Variants in ISL2 observed in about 807,000 individuals in gnomAD.
ISL2 encodes ISL LIM homeobox 2.
ISL2 carries 17 observed loss-of-function variants against 34.6 expected under a neutral mutation model. The observed-to-expected ratio is 0.49, with a 90% CI of 0.34 to 0.74. The LOEUF is 0.74. Among genes scored for constraint, ISL2 ranks in the 30% least tolerant of loss-of-function variants. ISL2 has a pLI of 0.01. For synonymous variants in ISL2, 232 were observed against 225.5 expected (o/e 1.03, Z -0.26); for missense variants, 469 against 515.2 (o/e 0.91, Z 0.87).
At position 76,336,953 on chromosome 15, in the gene ISL2, T is replaced by C. The variant is rs1456871210; in HGVS notation, c.58+12T>C. The stretch of plus-strand genomic sequence containing the variant: ...TGATCATTCCAAGAGTAAGTATTTC[T>C]GTGTGTGTGTGGGGTGGGGTGTGTG... On this transcript the variant is annotated intron_variant, in intron 1 of 5. Coordinates refer to ENST00000290759, the MANE Select transcript of ISL2 (RefSeq NM_145805.3). 1 of 1,591,968 alleles carries C rather than the reference T, an allele frequency of 6.3e-7. No homozygotes were observed. Among genetic ancestry groups the C allele is most frequent in the South Asian group, 1.1e-5 (1 of 90,462 alleles).
Position 76,338,387 on chromosome 15 carries a change from C to A in ISL2, c.384C>A (p.Asp128Glu). ...GCAGCCGCCAGCTGCTGCCTGGGGA[C>A]GAGTTCTCGCTGCGGGAGCACGAGC... is the stretch of plus-strand genomic sequence containing the variant. ...SVCSRQLLPG[D>E]EFSLREHELL... is the part of the protein sequence containing the mutation. Residue 128 changes from aspartate (D) to glutamate (E), a missense_variant, in exon 3 of 6, where the codon GAC becomes GAA. Asp to Glu is a conservative substitution (Grantham distance 45). Transcript: ENST00000290759. 1 of 1,542,324 alleles carries A rather than the reference C, an allele frequency of 6.5e-7. No homozygotes were observed. Among genetic ancestry groups the A allele is most frequent in the Admixed American group, 1.9e-5 (1 of 53,250 alleles).
Position 76,338,367 on chromosome 15 carries a change from C to A in ISL2, c.364C>A (p.Arg122Ser). Residue 122 changes from arginine to serine, a missense_variant, in exon 3 of 6, where the codon CGC (arginine) becomes AGC (serine). By Grantham distance (110) the Arg-to-Ser change is moderately radical. Transcript: ENST00000290759. ...IECFRCSVCS[R>S]QLLPGDEFSL... Reference sequence around the variant, plus strand: ...GTGCTTCCGCTGCTCCGTGTGCAGCCGCCAGCTGCTGCCTGGGGACGAGTT... The same window carrying A: ...GTGCTTCCGCTGCTCCGTGTGCAGCAGCCAGCTGCTGCCTGGGGACGAGTT... The A allele has an allele frequency of 6.4e-7, 1 of 1,554,518 alleles. No homozygotes were observed. Among genetic ancestry groups the A allele is most frequent in the Non-Finnish European group, 8.6e-7 (1 of 1,158,540 alleles).
intron 2 of ISL2, 129 bp from the exon 3 acceptor site, chr15:76,338,121 GCC>G: frequency 1.5e-6 from 2 of 1,363,312 alleles, no homozygotes; most frequent in Non-Finnish European, 1.9e-6. Context: ...GCCCGGGAAT[GCC>G]CGCAGGCGGG....
At chr15:76,338,228 C>A in intron 2 of ISL2, 24 bp from the exon 3 acceptor site, 1 of 1,530,522 alleles carries the variant, frequency 6.5e-7, no homozygotes. Flanking sequence ...CCAGCGCTGA[C>A]ACCGCCGCAC....
At position 76,341,767 on chromosome 15, in the gene ISL2, G is replaced by C; in HGVS notation, c.1012G>C (p.Val338Leu). 6.2e-7 allele frequency: 1 copy of C among 1,613,996 alleles called. No individual in the cohort carries two copies. The highest frequency in any genetic ancestry group is 1.1e-5 in the South Asian group (1 of 91,080). The change falls in exon 6 of 6, where the codon GTG (valine) becomes CTG (leucine). Residue 338 changes from valine to leucine, a missense_variant. By Grantham distance (32) the Val-to-Leu change is conservative (BLOSUM62 1). Around this residue, in one of 3 missense-constraint regions of ISL2, gnomAD observed 169 missense variants for 154.2 expected, o/e 1.10. Transcript: ENST00000290759. ...GSLGNSSGSD[V>L]TSLSSQLPDT... The stretch of plus-strand genomic sequence containing the variant: ...CCTAGGCAACTCCTCCGGCAGCGAC[G>C]TGACCTCCCTGTCCTCGCAGCTCCC...
intron 1 of ISL2, 26 bp from the exon 2 acceptor site, chr15:76,337,752 C>G (rs748590835): frequency 1.9e-6 from 3 of 1,538,934 alleles, no homozygotes; most frequent in Non-Finnish European, 2.6e-6. Context: ...TCAGGCCTGA[C>G]GCGGCCCCGC....
At chr15:76,337,012 A>G in intron 1 of ISL2, 71 bp downstream of exon 1, 1 of 1,387,296 alleles carries the variant, frequency 7.2e-7, no homozygotes, top group Non-Finnish European at 1.0e-6. Flanking sequence ...CTAATGCAGA[A>G]AAATGTTTAG....
chr15:76,338,165 C>G, intron 2 of ISL2, 87 bp from the exon 3 acceptor site: 1 of 1,467,890 alleles, frequency 6.8e-7, no homozygotes, highest in South Asian at 1.3e-5. Context: ...CACAAAGTGT[C>G]CTGGGCGCGC....
rs112089817 is a variant in ISL2 at position 76,341,412 on chromosome 15, A to G, written c.963+111A>G. On this transcript the variant is annotated intron_variant, in intron 5 of 5. Coordinates refer to ENST00000290759, the MANE Select transcript of ISL2 (RefSeq NM_145805.3). Reference sequence around the variant, plus strand: ...GGCCTTGGGCTGAGGGGCTGGGTACAGCCCTAGGCGGTGGGGGAGGGGGAA... The same window carrying G: ...GGCCTTGGGCTGAGGGGCTGGGTACGGCCCTAGGCGGTGGGGGAGGGGGAA... The G allele has an allele frequency of 1.6e-4, 115 of 713,888 alleles. 1 individual carries two copies. In the African/African-American group the frequency reaches 1.7e-3, roughly 11 times the overall value. The allele number at this position is 713,888 out of a possible 1,614,324, so 44.2% of individuals were successfully genotyped here.
At chr15:76,340,196 G>A in intron 3 of ISL2, 80 bp from the exon 4 acceptor site, 1 of 1,455,002 alleles carries the variant, frequency 6.9e-7, no homozygotes, top group Non-Finnish European at 9.0e-7. Context: ...GCCCCGGGGG[G>A]CTGGGCCACC....
In ISL2 at chr15:76,341,221, C is replaced by G. The variant is rs1282044146; in HGVS notation, c.883C>G (p.Gln295Glu). 6.2e-7 allele frequency: 1 copy of G among 1,611,854 alleles called. No individual in the cohort carries two copies. Among genetic ancestry groups the G allele is most frequent in the Admixed American group, 1.7e-5 (1 of 59,892 alleles). Residue 295 changes from glutamine to glutamate, a missense_variant, in exon 5 of 6, where the codon CAG becomes GAG. By Grantham distance (29) the Gln-to-Glu change is conservative (BLOSUM62 2). Transcript: ENST00000290759. ...CGTGCAGGGCAGCGCAGTGGAGGTG[C>G]AGACGTACCAGCCGCCGTGGAAGGC... ...NAVQGSAVEV[Q>E]TYQPPWKALS...
Position 76,338,247 on chromosome 15 carries a change from C to T in ISL2, c.249-5C>T. The T allele has an allele frequency of 6.4e-7, 1 of 1,553,584 alleles. No homozygotes were observed. The highest frequency in any genetic ancestry group is 1.2e-5 in the South Asian group (1 of 85,426). On this transcript the variant is annotated splice_polypyrimidine_tract_variant and splice_region_variant and intron_variant, in intron 2 of 5. Transcript: ENST00000290759. ...CGCTGACACCGCCGCACCTTGGGCC[C>T]GCAGGCTGTTCGGCATCAAGTGCGC...
At chr15:76,339,999 C>T (rs942614405) in intron 3 of ISL2, 1 of 1,285,356 alleles carries the variant, frequency 7.8e-7, no homozygotes, top group South Asian at 2.2e-5. Flanking sequence ...GCCACTCCCT[C>T]CCCGCAGCGG....
chr15:76,340,789 C>T (rs1033844418), intron 4 of ISL2, among the ~76,000 whole-genome samples: 1 of 152,252 alleles, frequency 6.6e-6, no homozygotes, highest in Admixed American at 6.5e-5. Context: ...TTGCGGGTTC[C>T]GGGCGCTGCG....
chr15:76,340,701 G>A (rs1252106266), intron 4 of ISL2, 142 bp downstream of exon 4: 3 of 733,508 alleles, frequency 4.1e-6, no homozygotes, highest in Admixed American at 2.9e-5. Context: ...TACCTTCACA[G>A]CAAGGCTTCC....
At chr15:76,341,450 C>G (rs920623579) in intron 5 of ISL2, 149 bp downstream of exon 5, 1 of 807,826 alleles carries the variant, frequency 1.2e-6, no homozygotes, top group Non-Finnish European at 1.9e-6. Context: ...GTGGCGGGCT[C>G]TGAAACCTCA....
chr15:76,338,640 T>G, intron 3 of ISL2, 126 bp downstream of exon 3: 1 of 1,233,246 alleles, frequency 8.1e-7, no homozygotes. Context: ...GGATAGTGTT[T>G]TTCTGTATCA....
intron 1 of ISL2, chr15:76,337,564 T>G (rs889019743): frequency 1.7e-5 from 8 of 465,730 alleles, no homozygotes; most frequent in African/African-American, 1.6e-4. Context: ...ATATTTGGGG[T>G]GGGGGACAGA....
intron 3 of ISL2, chr15:76,339,327 G>C (rs2040175651): frequency 1.0e-6 from 1 of 984,458 alleles, no homozygotes; most frequent in African/African-American, 1.7e-5. Flanking sequence ...AACTGGGCTG[G>C]ATGGGCTATT....
Sources: gnomAD v4.1 joint callset for allele counts (sites outside exome capture counted in the v4.1 genomes callset) on GRCh38, gnomAD v4.1.1 for gene constraint, gnomAD v4.1.1 regional missense constraint, MANE v1.5 for transcripts, NCBI Gene and HGNC (gene_info 2026-07-23, HGNC 2026-07-21) for gene names.